The following NEK11 variants were observed in gnomAD, a reference collection of about 807,000 sequenced individuals.
The protein encoded by NEK11 is serine/threonine-protein kinase Nek11.
Under a neutral mutation model 80.7 loss-of-function variants are expected in NEK11, and 72 were observed. That is an observed-to-expected ratio of 0.89 (90% CI 0.74 to 1.08). The LOEUF is 1.08. Among genes scored for constraint, NEK11 ranks in the 50% least tolerant of loss-of-function variants. The pLI is 0.00. For synonymous variants in NEK11, 251 were observed against 260.7 expected, an observed-to-expected ratio of 0.96 and a Z score of 0.36; for missense variants, 764 against 763.6, an observed-to-expected ratio of 1.00 and a Z score of -0.01.
intron 3 of NEK11, among the ~76,000 whole-genome samples, chr3:131,074,414 C>T (rs1176669420): frequency 6.6e-6 from 1 of 152,062 alleles, no homozygotes; most frequent in Non-Finnish European, 1.5e-5. Context: ...AAAAATACTC[C>T]TCCTCCCTGT....
At chr3:131,289,889 A>T (rs2096525920) in intron 17 of NEK11, among the ~76,000 whole-genome samples, 1 of 152,196 alleles carries the variant, frequency 6.6e-6, no homozygotes. Flanking sequence ...AGAAATGGGA[A>T]AAAGCAGGCC....
intron 14 of NEK11, among the ~76,000 whole-genome samples, chr3:131,185,496 T>A (rs1308288131): frequency 3.9e-5 from 6 of 152,080 alleles, no homozygotes; most frequent in African/African-American, 1.4e-4. Context: ...CATAGAGGAA[T>A]CCCATATTGG....
At chr3:131,186,677 T>G (rs567857471) in intron 14 of NEK11, among the ~76,000 whole-genome samples, 2 of 152,252 alleles carry the variant, frequency 1.3e-5, no homozygotes, top group East Asian at 3.9e-4. Context: ...GTAAATATAT[T>G]TTGTGCTAAG....
chr3:131,334,901 T>A (rs946044649), intron 17 of NEK11, among the ~76,000 whole-genome samples: 26 of 152,138 alleles, frequency 1.7e-4, no homozygotes, highest in African/African-American at 6.0e-4. Context: ...CCCATACACC[T>A]TCCCAAGACT....
Position 131,152,788 on chromosome 3 carries a change from G to C in NEK11, c.876+79G>C. ...TTCCATGACTTGAAGATATGCAGTGGGGATATGATTCAGTAAGAATCAACC... is the reference window on the plus strand; with the variant it reads ...TTCCATGACTTGAAGATATGCAGTGCGGATATGATTCAGTAAGAATCAACC... On this transcript the variant is annotated intron_variant, in intron 9 of 17. Transcript: ENST00000383366. The C allele has an allele frequency of 9.0e-6, 9 of 999,694 alleles. No homozygotes were observed. The South Asian group carries it at 1.3e-4, about 14-fold the overall frequency. The allele number at this position is 999,694 out of a possible 1,614,324, so 61.9% of individuals were successfully genotyped here.
chr3:131,194,019 G>A (rs1408359890), intron 14 of NEK11, among the ~76,000 whole-genome samples: 1 of 152,196 alleles, frequency 6.6e-6, no homozygotes, highest in Non-Finnish European at 1.5e-5. Context: ...ATTACAGCAA[G>A]TTGATTTGCA....
At chr3:131,344,737 G>A (rs931589734) in intron 17 of NEK11, among the ~76,000 whole-genome samples, 12 of 152,164 alleles carry the variant, frequency 7.9e-5, no homozygotes, top group South Asian at 4.1e-4. Flanking sequence ...GGGGAAGTGG[G>A]AGCAGGCATG....
intron 3 of NEK11, among the ~76,000 whole-genome samples, chr3:131,058,282 G>T (rs1167320262): frequency 6.6e-6 from 1 of 152,086 alleles, no homozygotes; most frequent in Non-Finnish European, 1.5e-5. Context: ...TGCTGTTTTG[G>T]TTACTGTAGC....
intron 17 of NEK11, among the ~76,000 whole-genome samples, chr3:131,308,412 C>T (rs968201739): frequency 3.3e-5 from 5 of 152,170 alleles, no homozygotes; most frequent in Admixed American, 6.5e-5. Flanking sequence ...ACTTTACACT[C>T]TGGCATGAGA....
intron 5 of NEK11, 80 bp downstream of exon 5, chr3:131,110,001 T>C: frequency 2.1e-6 from 3 of 1,449,212 alleles, no homozygotes; most frequent in Non-Finnish European, 2.8e-6. Context: ...TTTTTTTCTA[T>C]AATTGAAAGA....
chr3:131,233,329 G>A (rs1249033311), intron 15 of NEK11, among the ~76,000 whole-genome samples: 5 of 152,214 alleles, frequency 3.3e-5, no homozygotes, highest in Admixed American at 3.3e-4. Context: ...CGTGGACCCT[G>A]CATTGGATCC....
intron 7 of NEK11, among the ~76,000 whole-genome samples, chr3:131,139,353 G>GAAAAAAAAAAAAAA (rs71622003): frequency 4.6e-5 from 5 of 107,542 alleles, no homozygotes; most frequent in African/African-American, 8.6e-5. Flanking sequence ...AGAGAAAAAA[G>GAAAAAAAAAAAAAA]AAAAAAAAAA....
chr3:131,223,383 G>T (rs914779132), intron 14 of NEK11, among the ~76,000 whole-genome samples: 1 of 152,058 alleles, frequency 6.6e-6, no homozygotes, highest in Non-Finnish European at 1.5e-5. Flanking sequence ...ACTTTTCCCT[G>T]GCCACTTCTT....
chr3:131,165,177 C>G (rs750512264), intron 11 of NEK11: 51 of 402,956 alleles, frequency 1.3e-4, no homozygotes, highest in Non-Finnish European at 2.2e-4. Flanking sequence ...GAGAGGAGCA[C>G]TGCCTTCTCC....
chr3:131,115,903 TTTCTTTCTTTC>T, intron 5 of NEK11, among the ~76,000 whole-genome samples: 1 of 23,970 alleles, frequency 4.2e-5, no homozygotes, highest in Middle Eastern at 0.022. Context: ...AAGGTAGTGT[TTTCTTTCTTTC>T]TTTCTTTCTT....
chr3:131,343,814 C>T (rs1455661760), intron 17 of NEK11, among the ~76,000 whole-genome samples: 1 of 152,202 alleles, frequency 6.6e-6, no homozygotes, highest in Non-Finnish European at 1.5e-5. Context: ...CTGTGCAGGG[C>T]AGTGGGTCCC....
At chr3:131,191,004 C>T (rs1236217108) in intron 14 of NEK11, among the ~76,000 whole-genome samples, 1 of 152,130 alleles carries the variant, frequency 6.6e-6, no homozygotes, top group Non-Finnish European at 1.5e-5. Flanking sequence ...GATACAATGA[C>T]TGCAGCCTCT....
intron 5 of NEK11, among the ~76,000 whole-genome samples, chr3:131,128,556 A>C (rs2083781822): frequency 6.6e-6 from 1 of 152,222 alleles, no homozygotes; most frequent in African/African-American, 2.4e-5. Flanking sequence ...CCATTCCGCT[A>C]CTGAAGGACA....
At chr3:131,228,189 C>A (rs989045625) in intron 14 of NEK11, among the ~76,000 whole-genome samples, 15 of 152,178 alleles carry the variant, frequency 9.9e-5, no homozygotes, top group African/African-American at 3.6e-4. Context: ...GACATCTTGT[C>A]CTACCTTTGC....
Sources: gnomAD v4.1 joint callset for allele counts (sites outside exome capture counted in the v4.1 genomes callset) on GRCh38, gnomAD v4.1.1 for gene constraint, MANE v1.5 for transcripts, NCBI Gene and HGNC (gene_info 2026-07-23, HGNC 2026-07-21) for gene names.